The following E2F3 variants were observed in gnomAD, a reference collection of about 807,000 sequenced individuals.
The protein encoded by E2F3 is E2F transcription factor 3.
In E2F3, 11 loss-of-function variants were observed where a neutral mutation model predicts 44.4. The ratio of observed to expected loss-of-function variants is 0.25; its 90% CI spans 0.16 to 0.41. The LOEUF is 0.41. Among genes scored for constraint, E2F3 ranks in the 10% least tolerant of loss-of-function variants. E2F3 has a pLI of 1.00. For synonymous variants in E2F3, 249 were observed against 253.0 expected (o/e 0.98, Z 0.15); for missense variants, 487 against 583.6 (o/e 0.83, Z 1.70).
intron 2 of E2F3, among the ~76,000 whole-genome samples, chr6:20,480,262 C>T (rs1042821721): frequency 1.3e-5 from 2 of 152,168 alleles, no homozygotes; most frequent in African/African-American, 4.8e-5. Context: ...CCTTAATGGA[C>T]ATTGCTTCAG....
At chr6:20,428,835 CT>C (rs1353661549) in intron 1 of E2F3, among the ~76,000 whole-genome samples, 2 of 152,096 alleles carry the variant, frequency 1.3e-5, no homozygotes, top group Non-Finnish European at 1.5e-5. Context: ...TTCGTTGCAG[CT>C]TTTTTTCCCC....
intron 1 of E2F3, among the ~76,000 whole-genome samples, chr6:20,445,915 A>T (rs567010048): frequency 1.3e-5 from 2 of 152,266 alleles, no homozygotes; most frequent in Non-Finnish European, 2.9e-5. Context: ...CCAGCAGCTC[A>T]GGGTGCAAGG....
At chr6:20,429,654 A>G (rs114119894) in intron 1 of E2F3, among the ~76,000 whole-genome samples, 1,578 of 152,196 alleles carry the variant, frequency 0.01, 32 homozygotes, top group African/African-American at 0.036. Flanking sequence ...TCTGTTCTGC[A>G]TAGTTTGAGA....
intron 1 of E2F3, among the ~76,000 whole-genome samples, chr6:20,444,725 A>G (rs1413961804): frequency 6.6e-6 from 1 of 151,856 alleles, no homozygotes; most frequent in Non-Finnish European, 1.5e-5. Flanking sequence ...CAAAAACCAG[A>G]CGAAAAAAAC....
chr6:20,417,252 G>A (rs1439081121), intron 1 of E2F3, among the ~76,000 whole-genome samples: 2 of 152,142 alleles, frequency 1.3e-5, no homozygotes, highest in East Asian at 1.9e-4. Context: ...GAGAGACTAT[G>A]GGAAAGTGTC....
intron 1 of E2F3, among the ~76,000 whole-genome samples, chr6:20,448,677 A>G (rs949716297): frequency 6.6e-6 from 1 of 152,142 alleles, no homozygotes; most frequent in Non-Finnish European, 1.5e-5. Flanking sequence ...CAGGTTAGAG[A>G]CGTGGGAGAA....
chr6:20,418,306 G>T (rs532406687), intron 1 of E2F3, among the ~76,000 whole-genome samples: 1 of 152,182 alleles, frequency 6.6e-6, no homozygotes, highest in Non-Finnish European at 1.5e-5. Flanking sequence ...TATCACATTC[G>T]ACAGTAACAA....
intron 2 of E2F3, 137 bp from the exon 3 acceptor site, chr6:20,481,069 C>G (rs761714202): frequency 2.6e-6 from 2 of 764,034 alleles, no homozygotes; most frequent in Non-Finnish European, 4.1e-6. Context: ...CCAACACCAA[C>G]AGCAACGACA....
At chr6:20,461,805 G>A (rs998910246) in intron 1 of E2F3, among the ~76,000 whole-genome samples, 2 of 152,146 alleles carry the variant, frequency 1.3e-5, no homozygotes, top group Non-Finnish European at 2.9e-5. Flanking sequence ...AGTTTATGGT[G>A]CATATTGAGA....
At chr6:20,421,429 A>G (rs769455640) in intron 1 of E2F3, among the ~76,000 whole-genome samples, 25 of 152,322 alleles carry the variant, frequency 1.6e-4, no homozygotes, top group Non-Finnish European at 2.9e-4. Context: ...TTACTCCTTG[A>G]TTTATGGGCT....
chr6:20,418,197 C>T (rs528608686), intron 1 of E2F3, among the ~76,000 whole-genome samples: 1 of 152,292 alleles, frequency 6.6e-6, no homozygotes, highest in South Asian at 2.1e-4. Flanking sequence ...ACGTGTGGGC[C>T]TCCCATCTGA....
chr6:20,447,651 A>G (rs1581611844), intron 1 of E2F3, among the ~76,000 whole-genome samples: 1 of 152,110 alleles, frequency 6.6e-6, no homozygotes, highest in Non-Finnish European at 1.5e-5. Context: ...AGAGACTGCT[A>G]CAAAATCAGG....
chr6:20,431,558 G>A (rs6924973), intron 1 of E2F3, among the ~76,000 whole-genome samples: 4,232 of 152,250 alleles, frequency 0.028, 190 homozygotes, highest in African/African-American at 0.096. Flanking sequence ...GGGAATGGAA[G>A]CCAGTGGATA....
chr6:20,402,180 A>G lies in E2F3; in HGVS notation c.-53A>G. On this transcript the variant is annotated 5_prime_UTR_variant, in exon 1 of 7. Coordinates refer to ENST00000346618, the MANE Select transcript of E2F3 (RefSeq NM_001949.5). This position sits in a 1 kb window ranked among gnomAD's most constrained non-coding sequence, Gnocchi z 5.6. ...AACTCCGACTGCAAATAATAAAGAAATTGAAAACAATACATTAATATACCA... is the reference window on the plus strand; with the variant it reads ...AACTCCGACTGCAAATAATAAAGAAGTTGAAAACAATACATTAATATACCA... 5.3e-6 allele frequency: 8 copies of G among 1,505,468 alleles called. No individual in the cohort carries two copies. Among genetic ancestry groups the G allele is most frequent in the Non-Finnish European group, 7.1e-6 (8 of 1,134,458 alleles). The allele number at this position is 1,505,468 out of a possible 1,614,324, so 93.3% of individuals were successfully genotyped here. A position where few individuals can be genotyped will look rare whatever the true frequency, so the allele number is the denominator to read the frequency against.
chr6:20,457,632 G>T (rs1475491007), intron 1 of E2F3, among the ~76,000 whole-genome samples: 1 of 152,174 alleles, frequency 6.6e-6, no homozygotes, highest in Non-Finnish European at 1.5e-5. Context: ...CAAACTGTCA[G>T]AGTGGTCCCC....
intron 6 of E2F3, 104 bp downstream of exon 6, chr6:20,488,352 T>C (rs766152408): frequency 3.7e-6 from 5 of 1,341,338 alleles, no homozygotes; most frequent in Admixed American, 5.4e-5. Context: ...CAAACTTCTA[T>C]TGGTATTAGG....
At chr6:20,412,227 G>A (rs534792940) in intron 1 of E2F3, among the ~76,000 whole-genome samples, 1 of 152,272 alleles carries the variant, frequency 6.6e-6, no homozygotes, top group East Asian at 1.9e-4. Flanking sequence ...CAGCTGGGCC[G>A]TGAGATGGGG....
chr6:20,430,022 T>G (rs1374315884), intron 1 of E2F3, among the ~76,000 whole-genome samples: 1 of 152,152 alleles, frequency 6.6e-6, no homozygotes, highest in Non-Finnish European at 1.5e-5. Flanking sequence ...CTAATCATGC[T>G]TTGAGTATTC....
At chr6:20,453,173 C>A (rs1761190026) in intron 1 of E2F3, among the ~76,000 whole-genome samples, 1 of 151,930 alleles carries the variant, frequency 6.6e-6, no homozygotes. Flanking sequence ...TTATCATTTC[C>A]TTTAGTATTT....
Sources: allele counts gnomAD v4.1 joint callset (sites outside exome capture counted in the v4.1 genomes callset), GRCh38; gene constraint gnomAD v4.1.1; non-coding constraint Gnocchi (gnomAD v3.1); transcripts MANE v1.5; gene names NCBI Gene and HGNC (gene_info 2026-07-23, HGNC 2026-07-21).